The following NCMAP variants were observed in gnomAD, a reference collection of about 807,000 sequenced individuals.
The protein encoded by NCMAP is non-compact myelin associated protein.
Under a neutral mutation model 7.8 loss-of-function variants are expected in NCMAP, and 8 were observed. That is an observed-to-expected ratio of 1.02 (90% CI 0.60 to 1.84). NCMAP has a LOEUF of 1.84. Ranked by LOEUF, NCMAP falls within the 40% of genes most tolerant of loss-of-function variation. The pLI is 0.00. For missense variants in NCMAP, 112 were observed against 131.4 expected, an observed-to-expected ratio of 0.85 and a Z score of 0.72; for synonymous variants, 41 against 52.9, an observed-to-expected ratio of 0.78 and a Z score of 0.98.
Position 24,569,671 on chromosome 1 carries a change from C to T in NCMAP, c.-8+13502C>T, listed in dbSNP as rs12033895. ...GTCTCTCTGGGCCTCAGTTTCTCTA[C>T]CTGTAAAATGGAAATAATGATACCC... On this transcript the variant is annotated intron_variant, in intron 1 of 3. Transcript: ENST00000374392. 2.7e-3 allele frequency among the ~76,000 whole-genome samples: 413 copies of T among 150,626 alleles called. 9 individuals carry two copies. The East Asian group carries it at 0.04, about 14-fold the overall frequency.
chr1:24,556,769 T>C (rs1345695045), intron 1 of NCMAP, among the ~76,000 whole-genome samples: 2 of 152,014 alleles, frequency 1.3e-5, no homozygotes, highest in South Asian at 2.1e-4. Context: ...TGGGAGGAGA[T>C]GGCTGTGTCA....
At chr1:24,597,650 A>AGAAAG (rs1652295343) in intron 2 of NCMAP, among the ~76,000 whole-genome samples, 1 of 138,014 alleles carries the variant, frequency 7.2e-6, no homozygotes, top group Non-Finnish European at 1.6e-5. Flanking sequence ...AAAGAAAGAA[A>AGAAAG]GAAAGAAAGA....
chr1:24,583,813 C>G (rs2148931927), intron 1 of NCMAP, among the ~76,000 whole-genome samples: 1 of 152,014 alleles, frequency 6.6e-6, no homozygotes, highest in East Asian at 1.9e-4. Flanking sequence ...CTGCTTACCT[C>G]CCGGGGACCA....
At chr1:24,595,352 A>G in intron 1 of NCMAP, 72 bp from the exon 2 acceptor site, 3 of 1,074,146 alleles carry the variant, frequency 2.8e-6, no homozygotes, top group Non-Finnish European at 4.2e-6. Context: ...GATAAAGACC[A>G]AAAGAGGCAT....
At chr1:24,595,375 A>G (rs967263747) in intron 1 of NCMAP, 49 bp from the exon 2 acceptor site, 2 of 1,333,242 alleles carry the variant, frequency 1.5e-6, no homozygotes, top group African/African-American at 2.9e-5. Flanking sequence ...AGTAGCAATA[A>G]TAAGGATTTA....
intron 1 of NCMAP, among the ~76,000 whole-genome samples, chr1:24,562,216 G>A (rs561574204): frequency 3.3e-5 from 5 of 152,216 alleles, no homozygotes; most frequent in Non-Finnish European, 7.4e-5. Context: ...CAGTAACAGC[G>A]TCATTCGTCA....
intron 1 of NCMAP, among the ~76,000 whole-genome samples, chr1:24,581,274 G>A (rs963645792): frequency 2.0e-5 from 3 of 151,918 alleles, no homozygotes; most frequent in Admixed American, 6.6e-5. Context: ...CCGCCACCAC[G>A]ACTGGCTAAT....
chr1:24,580,188 C>T (rs1055211398), intron 1 of NCMAP, among the ~76,000 whole-genome samples: 2 of 152,204 alleles, frequency 1.3e-5, no homozygotes, highest in African/African-American at 4.8e-5. Context: ...CCAGCCACGG[C>T]GGGTACTGGG....
At chr1:24,562,124 T>A (rs1651072591) in intron 1 of NCMAP, among the ~76,000 whole-genome samples, 1 of 152,248 alleles carries the variant, frequency 6.6e-6, no homozygotes, top group Non-Finnish European at 1.5e-5. Context: ...TTCTGCCTCC[T>A]AAGGGTAACT....
At chr1:24,561,910 CAA>C (rs5773094) in intron 1 of NCMAP, among the ~76,000 whole-genome samples, 86,726 of 136,952 alleles carry the variant, frequency 0.63, 26,161 homozygotes, top group East Asian at 0.76. Context: ...GACTTCGTCT[CAA>C]AAAAAAAAAA....
At chr1:24,585,263 C>T (rs917071926) in intron 1 of NCMAP, among the ~76,000 whole-genome samples, 9 of 152,030 alleles carry the variant, frequency 5.9e-5, no homozygotes, top group African/African-American at 1.2e-4. Context: ...AGGATTCAGG[C>T]GGCTCGGGTG....
At chr1:24,568,247 G>C (rs1651285736) in intron 1 of NCMAP, among the ~76,000 whole-genome samples, 1 of 152,220 alleles carries the variant, frequency 6.6e-6, no homozygotes, top group African/African-American at 2.4e-5. Flanking sequence ...GGCCCGCACG[G>C]GGCACCTCAC....
intron 1 of NCMAP, among the ~76,000 whole-genome samples, chr1:24,582,031 G>T (rs190507548): frequency 9.0e-4 from 137 of 152,248 alleles, no homozygotes; most frequent in African/African-American, 3.2e-3. Flanking sequence ...AATCAGGCCT[G>T]CCCAGTTGCC....
Position 24,606,584 on chromosome 1 carries a change from A to G in NCMAP, c.*837A>G, listed in dbSNP as rs1027435094. On this transcript the variant is annotated 3_prime_UTR_variant, in exon 4 of 4. Transcript: ENST00000374392. ...TGTTAATGCCTTCCCTCCAAGGACC[A>G]GTATTTGGAGATTAATTAGATTACA... The G allele has an allele frequency of 6.6e-6, 1 of 152,600 alleles. No individual in the cohort carries two copies. The highest frequency in any genetic ancestry group is 2.4e-5 in the African/African-American group (1 of 41,408). The allele number at this position is 152,600 out of a possible 1,614,324, so 9.5% of individuals were successfully genotyped here.
At chr1:24,577,240 C>T (rs1475256902) in intron 1 of NCMAP, among the ~76,000 whole-genome samples, 5 of 152,042 alleles carry the variant, frequency 3.3e-5, no homozygotes, top group African/African-American at 1.2e-4. Flanking sequence ...CAGATACTCC[C>T]AGAGAATTGT....
chr1:24,600,264 C>T (rs1652431526), intron 2 of NCMAP, among the ~76,000 whole-genome samples: 1 of 152,276 alleles, frequency 6.6e-6, no homozygotes, highest in African/African-American at 2.4e-5. Context: ...GATCCTCCCT[C>T]CTCAGCCTCC....
chr1:24,597,628 A>AAAGG (rs1652289434), intron 2 of NCMAP, among the ~76,000 whole-genome samples: 1 of 111,888 alleles, frequency 8.9e-6, no homozygotes, highest in African/African-American at 4.3e-5. Context: ...AGAAAGAAAG[A>AAAGG]AAGAAAGAAA....
At chr1:24,581,499 G>T (rs186258989) in intron 1 of NCMAP, among the ~76,000 whole-genome samples, 77 of 152,318 alleles carry the variant, frequency 5.1e-4, no homozygotes, top group Non-Finnish European at 2.5e-4. Flanking sequence ...CTTCTTACCT[G>T]TAAGTTCCCT....
intron 1 of NCMAP, among the ~76,000 whole-genome samples, chr1:24,575,699 A>T (rs1651534830): frequency 6.6e-6 from 1 of 151,234 alleles, no homozygotes; most frequent in South Asian, 2.1e-4. Context: ...TAATCCCAGT[A>T]CTTTGAGAGG....
Sources: gnomAD v4.1 joint callset for allele counts (sites outside exome capture counted in the v4.1 genomes callset) on GRCh38, gnomAD v4.1.1 for gene constraint, MANE v1.5 for transcripts, NCBI Gene and HGNC (gene_info 2026-07-23, HGNC 2026-07-21) for gene names.